CDH13: variants seen among roughly 807,000 people sequenced by gnomAD.
CDH13 encodes the protein cadherin-13.
A neutral mutation model predicts 63.8 loss-of-function variants in CDH13; 24 were observed. The ratio of observed to expected loss-of-function variants is 0.38; its 90% CI spans 0.27 to 0.53. The LOEUF is 0.53. Among genes scored for constraint, CDH13 ranks in the 20% least tolerant of loss-of-function variants. The pLI, the probability that CDH13 is intolerant of heterozygous loss-of-function variation, is 0.85. For missense variants in CDH13, 1,049 were observed against 903.1 expected, an observed-to-expected ratio of 1.16 and a Z score of -2.07; for synonymous variants, 503 against 355.3, an observed-to-expected ratio of 1.42 and a Z score of -4.67.
Position 82,744,331 on chromosome 16 carries a change from G to A in CDH13, c.46-114031G>A, listed in dbSNP as rs575342997. On this transcript the variant is annotated intron_variant, in intron 1 of 13. Transcript: ENST00000567109. Reference sequence around the variant, plus strand: ...CTCTATTTTTCTCGCTTTTGTAGTCGTTTTTCATAGGTTGGACTTCTTGCC... The same window carrying A: ...CTCTATTTTTCTCGCTTTTGTAGTCATTTTTCATAGGTTGGACTTCTTGCC... Among the ~76,000 whole-genome samples the A allele has an allele frequency of 1.4e-4, 21 of 152,234 alleles. 1 individual carries two copies. Among genetic ancestry groups the A allele is most frequent in the Middle Eastern group, 3.4e-3 (1 of 294 alleles).
Position 82,950,069 on chromosome 16 carries a change from G to A in CDH13, c.158-81941G>A, listed in dbSNP as rs566717731. Among the ~76,000 whole-genome samples, 293 of 152,226 alleles carry A rather than the reference G, an allele frequency of 1.9e-3. 1 individual carries two copies. The highest frequency in any genetic ancestry group is 3.4e-3 in the Non-Finnish European group (233 of 68,014). ...TTCACTAGGGCTCCTATAACAAAGTGCCACAAACTGGGTGGCTTAAACAAA... is the reference window on the plus strand; with the variant it reads ...TTCACTAGGGCTCCTATAACAAAGTACCACAAACTGGGTGGCTTAAACAAA... On this transcript the variant is annotated intron_variant, in intron 2 of 13. Coordinates refer to ENST00000567109, the MANE Select transcript of CDH13 (RefSeq NM_001257.5).
At chr16:83,504,640 T>G (rs1259412839) in intron 7 of CDH13, among the ~76,000 whole-genome samples, 3 of 152,084 alleles carry the variant, frequency 2.0e-5, no homozygotes, top group Admixed American at 6.6e-5. Flanking sequence ...GGGGCTGATA[T>G]GGGGTCATGG....
At chr16:82,707,180 A>G (rs1366576842) in intron 1 of CDH13, among the ~76,000 whole-genome samples, 1 of 152,244 alleles carries the variant, frequency 6.6e-6, no homozygotes, top group East Asian at 1.9e-4. Flanking sequence ...ATCAAGCTTA[A>G]CTAATTAACA....
intron 1 of CDH13, among the ~76,000 whole-genome samples, chr16:82,814,592 C>G (rs1273011880): frequency 6.6e-6 from 1 of 152,138 alleles, no homozygotes; most frequent in Non-Finnish European, 1.5e-5. Flanking sequence ...GCTCTGCATA[C>G]CTTTCCACAT....
At chr16:82,645,163 C>A (rs1909941579) in intron 1 of CDH13, among the ~76,000 whole-genome samples, 1 of 152,122 alleles carries the variant, frequency 6.6e-6, no homozygotes, top group Non-Finnish European at 1.5e-5. Flanking sequence ...AGAGTACGGG[C>A]TTCGACGGGG....
intron 6 of CDH13, among the ~76,000 whole-genome samples, chr16:83,418,613 T>TC (rs1371185648): frequency 6.6e-6 from 1 of 152,136 alleles, no homozygotes; most frequent in Non-Finnish European, 1.5e-5. Context: ...CAGGATTCTG[T>TC]CCAAGAACTC....
chr16:83,759,915 G>T (rs868667881), intron 11 of CDH13, among the ~76,000 whole-genome samples: 1 of 143,568 alleles, frequency 7.0e-6, no homozygotes, highest in South Asian at 2.3e-4. Context: ...AGGACAGAGT[G>T]AGATCCTGTC....
intron 8 of CDH13, 90 bp downstream of exon 8, chr16:83,602,684 C>T: frequency 2.2e-6 from 3 of 1,335,070 alleles, no homozygotes; most frequent in Non-Finnish European, 3.2e-6. Context: ...CACCTGCTGG[C>T]CCCCCTTTCA....
intron 1 of CDH13, among the ~76,000 whole-genome samples, chr16:82,842,254 G>C (rs1310490381): frequency 6.7e-6 from 1 of 149,894 alleles, no homozygotes; most frequent in Non-Finnish European, 1.5e-5. Flanking sequence ...TGTTATCAAA[G>C]ACAAGGAATT....
chr16:83,032,293 CTTTAA>C (rs1916439075), intron 3 of CDH13, 75 bp downstream of exon 3: 5 of 1,112,272 alleles, frequency 4.5e-6, no homozygotes, highest in Admixed American at 2.3e-5. Flanking sequence ...GAAAATGGGT[CTTTAA>C]TTTATTATGT....
At chr16:83,027,025 A>G (rs1159886196) in intron 2 of CDH13, among the ~76,000 whole-genome samples, 2 of 151,906 alleles carry the variant, frequency 1.3e-5, no homozygotes, top group African/African-American at 4.8e-5. Flanking sequence ...GTTCAATGAA[A>G]TCAAGAGGTC....
chr16:83,589,245 C>A (rs1363625129), intron 7 of CDH13, among the ~76,000 whole-genome samples: 2 of 139,368 alleles, frequency 1.4e-5, no homozygotes, highest in Non-Finnish European at 3.2e-5. Context: ...CCCCCTCCCT[C>A]TTCTCTCTCT....
chr16:82,786,975 A>T (rs2036046685), intron 1 of CDH13, among the ~76,000 whole-genome samples: 1 of 152,172 alleles, frequency 6.6e-6, no homozygotes, highest in Non-Finnish European at 1.5e-5. Flanking sequence ...AAACGCTTCT[A>T]AATTAACAGG....
At position 83,476,629 on chromosome 16, in the gene CDH13, C is replaced by T. The variant is rs574107363; in HGVS notation, c.782-9848C>T. Among the ~76,000 whole-genome samples the T allele has an allele frequency of 2.4e-4, 37 of 152,252 alleles. 1 individual carries two copies. Among genetic ancestry groups the T allele is most frequent in the South Asian group, 2.1e-4 (1 of 4,828 alleles). ...CAGAGGTTGCTGTGAGCCCAGATTA[C>T]GCCACTGCACTCCAGCCTGCACTCC... is the stretch of plus-strand genomic sequence containing the variant. On this transcript the variant is annotated intron_variant, in intron 6 of 13. Transcript: ENST00000567109.
chr16:83,421,612 A>G (rs2071715918), intron 6 of CDH13, among the ~76,000 whole-genome samples: 1 of 152,208 alleles, frequency 6.6e-6, no homozygotes, highest in South Asian at 2.1e-4. Context: ...AATCCTTTCC[A>G]GAAGTTCCTA....
chr16:82,726,879 C>G (rs1355118748), intron 1 of CDH13, among the ~76,000 whole-genome samples: 3 of 152,194 alleles, frequency 2.0e-5, no homozygotes, highest in African/African-American at 7.2e-5. Context: ...GATGAAAACA[C>G]TGAGGCACAG....
At chr16:83,045,221 A>G (rs373670608) in intron 3 of CDH13, among the ~76,000 whole-genome samples, 1 of 152,220 alleles carries the variant, frequency 6.6e-6, no homozygotes, top group South Asian at 2.1e-4. Context: ...TTAGGCAAGT[A>G]GACAAGTCCT....
chr16:83,657,437 C>CT (rs1912966491), intron 8 of CDH13, among the ~76,000 whole-genome samples: 2 of 152,218 alleles, frequency 1.3e-5, no homozygotes, highest in South Asian at 2.1e-4. Flanking sequence ...CAGAATCCCA[C>CT]TGAGTTCCTA....
At chr16:83,608,555 G>A (rs77642197) in intron 8 of CDH13, among the ~76,000 whole-genome samples, 5 of 152,012 alleles carry the variant, frequency 3.3e-5, no homozygotes, top group East Asian at 1.9e-4. Context: ...TCATAGTTTC[G>A]GCTCACTGCA....
Sources: allele counts gnomAD v4.1 joint callset (sites outside exome capture counted in the v4.1 genomes callset), GRCh38; gene constraint gnomAD v4.1.1; transcripts MANE v1.5; gene names NCBI Gene and HGNC (gene_info 2026-07-23, HGNC 2026-07-21).